Variants in CALCRL observed in about 807,000 individuals in gnomAD.
CALCRL encodes the protein calcitonin gene-related peptide type 1 receptor.
In CALCRL, 27 loss-of-function variants were observed where a neutral mutation model predicts 60.4. The observed-to-expected ratio is 0.45, with a 90% CI of 0.33 to 0.62. The LOEUF is 0.62. Among genes scored for constraint, CALCRL ranks in the 20% least tolerant of loss-of-function variants. The pLI is 0.03. For synonymous variants in CALCRL, 190 were observed against 182.6 expected (o/e 1.04, Z -0.33); for missense variants, 424 against 540.7 (o/e 0.78, Z 2.14).
intron 1 of CALCRL, among the ~76,000 whole-genome samples, chr2:187,435,986 C>T (rs1690628876): frequency 6.6e-6 from 1 of 151,744 alleles, no homozygotes; most frequent in Non-Finnish European, 1.5e-5. Flanking sequence ...TAGAATGATT[C>T]AGACAGGAAA....
At chr2:187,439,679 A>G (rs1273709566) in intron 1 of CALCRL, among the ~76,000 whole-genome samples, 2 of 152,174 alleles carry the variant, frequency 1.3e-5, no homozygotes, top group African/African-American at 2.4e-5. Flanking sequence ...AAGAGTTCAC[A>G]TTGGAGCAAG....
At chr2:187,356,043 A>C (rs1460782735) in intron 12 of CALCRL, among the ~76,000 whole-genome samples, 1 of 152,204 alleles carries the variant, frequency 6.6e-6, no homozygotes, top group African/African-American at 2.4e-5. Flanking sequence ...CATACATAGA[A>C]GAATCAATAT....
intron 1 of CALCRL, among the ~76,000 whole-genome samples, chr2:187,418,453 T>C (rs541936956): frequency 6.6e-6 from 1 of 152,346 alleles, no homozygotes; most frequent in South Asian, 2.1e-4. Context: ...CACTGTATCA[T>C]GTTGATTTTG....
At chr2:187,346,966 G>A (rs781237843) in intron 14 of CALCRL, among the ~76,000 whole-genome samples, 17 of 151,774 alleles carry the variant, frequency 1.1e-4, no homozygotes, top group Non-Finnish European at 2.1e-4. Context: ...TTACTACATA[G>A]AGGAAAGAAA....
At chr2:187,436,532 A>G (rs1247430053) in intron 1 of CALCRL, 2 of 152,188 alleles carry the variant, frequency 1.3e-5, no homozygotes, top group African/African-American at 2.4e-5. Context: ...TTTACTTTTC[A>G]CAATTTTTTA....
chr2:187,426,183 T>A (rs746206838), intron 1 of CALCRL, among the ~76,000 whole-genome samples: 4 of 150,184 alleles, frequency 2.7e-5, no homozygotes, highest in Admixed American at 2.0e-4. Context: ...GGGAAATAGA[T>A]CATTAGATGA....
intron 1 of CALCRL, among the ~76,000 whole-genome samples, chr2:187,412,208 T>C (rs1689397278): frequency 1.3e-5 from 2 of 152,118 alleles, no homozygotes; most frequent in Non-Finnish European, 2.9e-5. Flanking sequence ...CTTTCCTGAT[T>C]TTCAGAAACA....
intron 1 of CALCRL, among the ~76,000 whole-genome samples, chr2:187,409,100 AT>A (rs1689252798): frequency 6.6e-6 from 1 of 152,118 alleles, no homozygotes. Context: ...TTGTAAAGAA[AT>A]CTTTTACATG....
At chr2:187,410,694 C>G (rs1337075339) in intron 1 of CALCRL, among the ~76,000 whole-genome samples, 2 of 152,122 alleles carry the variant, frequency 1.3e-5, no homozygotes, top group Non-Finnish European at 2.9e-5. Flanking sequence ...GGTGTAACAT[C>G]AGTTCCACAG....
At chr2:187,398,819 G>C (rs1196153711) in intron 1 of CALCRL, among the ~76,000 whole-genome samples, 2 of 151,748 alleles carry the variant, frequency 1.3e-5, no homozygotes, top group Admixed American at 6.6e-5. Context: ...CTATCATACA[G>C]AGAAAATGTT....
intron 7 of CALCRL, among the ~76,000 whole-genome samples, 181 bp from the exon 8 acceptor site, chr2:187,379,212 AT>A (rs1162009618): frequency 6.6e-6 from 1 of 152,138 alleles, no homozygotes; most frequent in Non-Finnish European, 1.5e-5. Flanking sequence ...GGAATGAAAA[AT>A]ATCTATCCAG....
At chr2:187,447,018 T>C (rs562975745) in intron 1 of CALCRL, among the ~76,000 whole-genome samples, 1 of 152,148 alleles carries the variant, frequency 6.6e-6, no homozygotes, top group South Asian at 2.1e-4. Flanking sequence ...ACATCAAACT[T>C]TCTCCAGCAA....
Position 187,383,361 on chromosome 2 carries a change from G to T in CALCRL, c.52-56C>A, listed in dbSNP as rs1046911669. Reference sequence around the variant, plus strand: ...TTCATGAAAAGGATTATGAAAATGTGTTTGTCAAAGGCAGTCTGTCACAGT... The same window carrying T: ...TTCATGAAAAGGATTATGAAAATGTTTTTGTCAAAGGCAGTCTGTCACAGT... On this transcript the variant is annotated intron_variant, in intron 4 of 14. Transcript: ENST00000392370. The T allele has an allele frequency of 4.1e-6, 6 of 1,452,828 alleles. No homozygotes were observed. In the African/African-American group the frequency reaches 8.6e-5, roughly 21 times the overall value. The allele number at this position is 1,452,828 out of a possible 1,614,324, so 90.0% of individuals were successfully genotyped here.
rs191677510 is a variant in CALCRL, at chr2:187,442,245, C to T, written c.-293+5794G>A. On this transcript the variant is annotated intron_variant, in intron 1 of 14. Transcript: ENST00000392370. Reference sequence around the variant, plus strand: ...CCTTATTTTATAAGAGTAACTGTCACGTGAATTACCTGCAACATGGGTGTT... The same window carrying T: ...CCTTATTTTATAAGAGTAACTGTCATGTGAATTACCTGCAACATGGGTGTT... Among the ~76,000 whole-genome samples, 86 of 150,576 alleles carry T rather than the reference C, an allele frequency of 5.7e-4. 1 individual carries two copies. Among genetic ancestry groups the T allele is most frequent in the Middle Eastern group, 3.5e-3 (1 of 284 alleles).
chr2:187,409,513 A>C (rs1374231102), intron 1 of CALCRL, among the ~76,000 whole-genome samples: 3 of 152,226 alleles, frequency 2.0e-5, no homozygotes, highest in Non-Finnish European at 4.4e-5. Context: ...TGAAATTATT[A>C]AATGTCATGC....
intron 1 of CALCRL, among the ~76,000 whole-genome samples, chr2:187,420,270 T>C (rs1689811562): frequency 6.6e-6 from 1 of 152,144 alleles, no homozygotes; most frequent in Non-Finnish European, 1.5e-5. Flanking sequence ...AATCATTTAA[T>C]GAACTAGATC....
chr2:187,430,765 C>CATTCAT (rs1193364682), intron 1 of CALCRL, among the ~76,000 whole-genome samples: 6 of 152,118 alleles, frequency 3.9e-5, no homozygotes, highest in African/African-American at 1.4e-4. Context: ...GTTTTACATC[C>CATTCAT]ATTCATAGGA....
chr2:187,386,009 C>T (rs1203829457), intron 3 of CALCRL, among the ~76,000 whole-genome samples: 1 of 152,072 alleles, frequency 6.6e-6, no homozygotes, highest in East Asian at 1.9e-4. Context: ...TATATTAAAA[C>T]TGCAAATGTT....
chr2:187,342,357 T>C lies in CALCRL; in HGVS notation c.*3827A>G, dbSNP rs1218638830. Among the ~76,000 whole-genome samples, 2 of 151,738 alleles carry C rather than the reference T, an allele frequency of 1.3e-5. No homozygotes were observed. Among genetic ancestry groups the C allele is most frequent in the Non-Finnish European group, 3.0e-5 (2 of 67,696 alleles). On this transcript the variant is annotated 3_prime_UTR_variant, in exon 15 of 15. Transcript: ENST00000392370. ...TCTCTATGGATGTATTAAAATATAC[T>C]CTACTAATATACTAAAAACTGCTTT...
Sources: gnomAD v4.1 joint callset for allele counts (sites outside exome capture counted in the v4.1 genomes callset) on GRCh38, gnomAD v4.1.1 for gene constraint, MANE v1.5 for transcripts, NCBI Gene and HGNC (gene_info 2026-07-23, HGNC 2026-07-21) for gene names.